PTPRD: variants seen among roughly 807,000 people sequenced by gnomAD.
The protein encoded by PTPRD is receptor-type tyrosine-protein phosphatase delta.
In PTPRD, 34 loss-of-function variants were observed where a neutral mutation model predicts 214.5. That is an observed-to-expected ratio of 0.16 (90% CI 0.12 to 0.21). The LOEUF is 0.21. Among genes scored for constraint, PTPRD ranks in the 10% least tolerant of loss-of-function variants. PTPRD has a pLI of 1.00. For missense variants in PTPRD, 2,545 were observed against 2,398.7 expected, an observed-to-expected ratio of 1.06 and a Z score of -1.27; for synonymous variants, 1,128 against 845.7, an observed-to-expected ratio of 1.33 and a Z score of -5.79.
intron 9 of PTPRD, among the ~76,000 whole-genome samples, chr9:9,230,705 G>T (rs1367497669): frequency 6.6e-6 from 1 of 152,062 alleles, no homozygotes; most frequent in East Asian, 1.9e-4. Context: ...CCACACAGTT[G>T]TTGTCAGGAG....
chr9:10,544,550 T>G (rs1199047091), intron 2 of PTPRD, among the ~76,000 whole-genome samples: 1 of 152,146 alleles, frequency 6.6e-6, no homozygotes, highest in Non-Finnish European at 1.5e-5. Flanking sequence ...CTATCCTAGA[T>G]CTGAAGAAAA....
chr9:10,467,967 G>C (rs2099005501), intron 2 of PTPRD, among the ~76,000 whole-genome samples: 1 of 152,158 alleles, frequency 6.6e-6, no homozygotes, highest in African/African-American at 2.4e-5. Context: ...TCTGATGCCA[G>C]TTAGAATGGC....
At chr9:9,744,956 A>T (rs1332349093) in intron 6 of PTPRD, among the ~76,000 whole-genome samples, 1 of 152,120 alleles carries the variant, frequency 6.6e-6, no homozygotes, top group African/African-American at 2.4e-5. Context: ...AGAAATCAAT[A>T]GAAAGCATTT....
At chr9:8,881,280 C>A (rs949491801) in intron 11 of PTPRD, among the ~76,000 whole-genome samples, 9 of 152,146 alleles carry the variant, frequency 5.9e-5, no homozygotes, top group African/African-American at 2.2e-4. Flanking sequence ...TCAGTCAAAT[C>A]TTTATAAATT....
chr9:8,659,956 T>C (rs2097001442), intron 12 of PTPRD, among the ~76,000 whole-genome samples: 1 of 152,150 alleles, frequency 6.6e-6, no homozygotes, highest in South Asian at 2.1e-4. Flanking sequence ...GTTCAAAAGA[T>C]AATGCAATAT....
intron 10 of PTPRD, among the ~76,000 whole-genome samples, chr9:9,122,383 AAAG>A (rs1210697558): frequency 1.3e-5 from 2 of 152,232 alleles, no homozygotes; most frequent in African/African-American, 4.8e-5. Flanking sequence ...ATAATATTTC[AAAG>A]AAGAATCTTA....
chr9:8,579,074 TTAA>T (rs1417418268), intron 14 of PTPRD, among the ~76,000 whole-genome samples: 3 of 152,200 alleles, frequency 2.0e-5, no homozygotes, highest in African/African-American at 4.8e-5. Flanking sequence ...ATTTTAAAAC[TTAA>T]TAATAATTTG....
chr9:8,407,338 A>C (rs1174838310), intron 35 of PTPRD, among the ~76,000 whole-genome samples: 7 of 152,170 alleles, frequency 4.6e-5, no homozygotes, highest in Non-Finnish European at 1.0e-4. Flanking sequence ...GAGAAAACTG[A>C]AGTAAAGAAA....
At chr9:9,126,777 C>T (rs577705654) in intron 10 of PTPRD, among the ~76,000 whole-genome samples, 1 of 152,290 alleles carries the variant, frequency 6.6e-6, no homozygotes, top group South Asian at 2.1e-4. Flanking sequence ...TGCTTTTGTA[C>T]TGCTTCATTT....
chr9:10,297,021 T>C (rs149540213), intron 3 of PTPRD, among the ~76,000 whole-genome samples: 1,714 of 150,990 alleles, frequency 0.011, 16 homozygotes, highest in Admixed American at 0.02. Flanking sequence ...TTTTGATTGA[T>C]AAGCCCCTAA....
At chr9:10,525,856 A>C (rs78210103) in intron 2 of PTPRD, among the ~76,000 whole-genome samples, 2,702 of 152,050 alleles carry the variant, frequency 0.018, 33 homozygotes, top group South Asian at 0.044. Flanking sequence ...TTCTTCGCCC[A>C]CTTAACAAAA....
intron 11 of PTPRD, among the ~76,000 whole-genome samples, chr9:8,867,341 CTG>C (rs995461533): frequency 1.3e-5 from 2 of 152,148 alleles, no homozygotes; most frequent in Non-Finnish European, 2.9e-5. Context: ...GGCAGATGTT[CTG>C]CTCTGCCCTC....
At chr9:10,446,243 T>A (rs2098798208) in intron 2 of PTPRD, among the ~76,000 whole-genome samples, 2 of 151,998 alleles carry the variant, frequency 1.3e-5, no homozygotes, top group African/African-American at 4.8e-5. Context: ...TAATATGTTT[T>A]TAAAAATATG....
At chr9:9,025,952 A>C (rs546258860) in intron 10 of PTPRD, among the ~76,000 whole-genome samples, 1 of 152,130 alleles carries the variant, frequency 6.6e-6, no homozygotes, top group African/African-American at 2.4e-5. Flanking sequence ...CCGCTCAGAT[A>C]AACATTTTAT....
chr9:8,891,542 G>C (rs561570130), intron 11 of PTPRD, among the ~76,000 whole-genome samples: 1 of 151,736 alleles, frequency 6.6e-6, no homozygotes, highest in Non-Finnish European at 1.5e-5. Flanking sequence ...ATATGCACAA[G>C]TTAGCAGCGT....
At chr9:9,917,270 GA>G (rs1367484065) in intron 5 of PTPRD, among the ~76,000 whole-genome samples, 1 of 78,808 alleles carries the variant, frequency 1.3e-5, no homozygotes, top group Non-Finnish European at 2.6e-5. Context: ...GGGTTTCTGA[GA>G]AGATGAAATT....
At chr9:8,449,692 C>T in intron 34 of PTPRD, 33 bp downstream of exon 34, 1 of 1,587,394 alleles carries the variant, frequency 6.3e-7, no homozygotes, top group African/African-American at 1.3e-5. Flanking sequence ...CTGGGAAAGA[C>T]TGTGTGTGGA....
In PTPRD at chr9:8,500,778, C is replaced by T. The variant is rs138276051; in HGVS notation, c.2104G>A (p.Val702Met). 1.4e-5 allele frequency: 23 copies of T among 1,613,938 alleles called. No homozygotes were observed. Among genetic ancestry groups the T allele is most frequent in the Middle Eastern group, 3.3e-4 (2 of 6,082 alleles). ...CCATCTTCATTGGTTCGAATCAACA[C>T]GGACAAGCTCTCAGGGCCAGGGCCG... ...DVGPGPESLSVLIRTNEDVPS... is the reference protein window; with the variant it reads ...DVGPGPESLSMLIRTNEDVPS... Residue 702 changes from valine (V) to methionine (M), a missense_variant, in exon 24 of 46, where the codon GTG (valine) becomes ATG (methionine). By Grantham distance (21) the Val-to-Met change is conservative. Transcript: ENST00000381196.
intron 23 of PTPRD, among the ~76,000 whole-genome samples, chr9:8,502,406 T>G (rs2097429616): frequency 6.6e-6 from 1 of 152,118 alleles, no homozygotes. Flanking sequence ...GTGCCAGGTG[T>G]ATCCAATTGT....
Sources: allele counts gnomAD v4.1 joint callset (sites outside exome capture counted in the v4.1 genomes callset), GRCh38; gene constraint gnomAD v4.1.1; transcripts MANE v1.5; gene names NCBI Gene and HGNC (gene_info 2026-07-23, HGNC 2026-07-21).